TBX15: variants seen among roughly 807,000 people sequenced by gnomAD.
TBX15 encodes T-box transcription factor 15, also known as T-box transcription factor TBX15.
A neutral mutation model predicts 53.9 loss-of-function variants in TBX15; 18 were observed. The observed-to-expected ratio is 0.33, with a 90% CI of 0.23 to 0.49. The LOEUF is 0.49. Among genes scored for constraint, TBX15 ranks in the 20% least tolerant of loss-of-function variants. The probability of loss-of-function intolerance (pLI) is 0.98; values close to 1 mark genes in which losing one functional copy is unlikely to be tolerated. For synonymous variants in TBX15, 295 were observed against 278.0 expected (o/e 1.06, Z -0.61); for missense variants, 692 against 749.5 (o/e 0.92, Z 0.90).
chr1:118,889,218 C>T (rs1046121167), intron 7 of TBX15, among the ~76,000 whole-genome samples: 1 of 152,134 alleles, frequency 6.6e-6, no homozygotes, highest in Non-Finnish European at 1.5e-5. Context: ...TCAAAGTTCC[C>T]ATAGAAAGAG....
chr1:118,941,817 T>C (rs1449773980), intron 1 of TBX15, among the ~76,000 whole-genome samples: 1 of 152,094 alleles, frequency 6.6e-6, no homozygotes, highest in African/African-American at 2.4e-5. Context: ...TGCTGGGGCT[T>C]AGGATCCAAA....
chr1:118,942,343 C>G (rs1157295654), intron 1 of TBX15, among the ~76,000 whole-genome samples: 1 of 152,160 alleles, frequency 6.6e-6, no homozygotes, highest in Non-Finnish European at 1.5e-5. Flanking sequence ...ACCTATTATG[C>G]ACTCAATAAA....
In TBX15 at chr1:118,885,328, T is replaced by G. The variant is rs11550350; in HGVS notation, c.1213A>C (p.Ser405Arg). ...NLSDYPPCAR[S>R]NMAALQSYPG... is the part of the protein sequence containing the mutation. ...TAGCTCTGCAAGGCAGCCATGTTGC[T>G]TCGGGCACATGGTGGATAATCAGAG... The change falls in exon 8 of 8, where the codon AGC (serine) becomes CGC (arginine). Residue 405 changes from serine (S) to arginine (R), a missense_variant. Physicochemically the swap from Ser to Arg is moderately radical, Grantham distance 110. Coordinates refer to ENST00000369429, the MANE Select transcript of TBX15 (RefSeq NM_001330677.2). 2 of 1,613,964 alleles carry G rather than the reference T, an allele frequency of 1.2e-6. No homozygotes were observed. The highest frequency in any genetic ancestry group is 4.5e-5 in the East Asian group (2 of 44,866).
At chr1:118,951,650 T>C (rs4659133) in intron 1 of TBX15, among the ~76,000 whole-genome samples, 43,047 of 152,100 alleles carry the variant, frequency 0.28, 7,455 homozygotes, top group East Asian at 0.57. Flanking sequence ...TGCAACATCT[T>C]ATTGTTCCTG....
chr1:118,987,649 G>A lies in TBX15; in HGVS notation c.147C>T (p.Pro49=), dbSNP rs1657885970. ...GLDLSMEALS[P]AGPLGDTEDA... ...CCTCCGTGTCTCCGAGTGGGCCCGC[G>A]GGGCTCAGCGCCTCCATAGACAGGT... Residue 49 remains proline, a synonymous_variant, in exon 1 of 8, where the codon CCC becomes CCT. Transcript: ENST00000369429. 3 of 1,550,130 alleles carry A rather than the reference G, an allele frequency of 1.9e-6. No individual in the cohort carries two copies. The East Asian group carries it at 7.3e-5, about 38-fold the overall frequency.
chr1:118,911,543 C>A (rs1022999974), intron 6 of TBX15, among the ~76,000 whole-genome samples: 1 of 152,176 alleles, frequency 6.6e-6, no homozygotes, highest in African/African-American at 2.4e-5. Context: ...ACTGAGATGT[C>A]ATCACAATTC....
chr1:118,950,168 T>C (rs1656470645), intron 1 of TBX15, among the ~76,000 whole-genome samples: 2 of 152,212 alleles, frequency 1.3e-5, no homozygotes. Flanking sequence ...TGTAAAAGAC[T>C]GCTCTTCAGT....
chr1:118,928,918 C>T (rs1245754831), intron 2 of TBX15, among the ~76,000 whole-genome samples: 9 of 152,180 alleles, frequency 5.9e-5, no homozygotes, highest in African/African-American at 1.9e-4. Context: ...ACAGTGCCCC[C>T]TTGCTTTAAA....
intron 1 of TBX15, among the ~76,000 whole-genome samples, chr1:118,975,207 G>A (rs1317797777): frequency 6.6e-6 from 1 of 152,126 alleles, no homozygotes; most frequent in Non-Finnish European, 1.5e-5. Flanking sequence ...TCAAAGAAAC[G>A]CAGGTCATGT....
intron 1 of TBX15, among the ~76,000 whole-genome samples, chr1:118,944,143 C>T (rs1656271588): frequency 6.6e-6 from 1 of 152,192 alleles, no homozygotes. Context: ...ACCCTCACAT[C>T]CCAACTTCCC....
At chr1:118,924,852 C>T in intron 3 of TBX15, 35 bp from the exon 4 acceptor site, 2 of 1,613,038 alleles carry the variant, frequency 1.2e-6, no homozygotes, top group Non-Finnish European at 1.7e-6. Context: ...AATTCAGAGA[C>T]AGAGGCAGAG....
chr1:118,977,154 TGAAGTCTGACCCCA>T (rs1657461182), intron 1 of TBX15, among the ~76,000 whole-genome samples: 1 of 152,206 alleles, frequency 6.6e-6, no homozygotes, highest in Non-Finnish European at 1.5e-5. Flanking sequence ...CTCAGACACA[TGAAGTCTGACCCCA>T]AGAATCTGAG....
chr1:118,955,303 G>T (rs1656648047), intron 1 of TBX15, among the ~76,000 whole-genome samples: 1 of 152,074 alleles, frequency 6.6e-6, no homozygotes, highest in Non-Finnish European at 1.5e-5. Context: ...TAGTGATTTT[G>T]CTCATACAAG....
intron 2 of TBX15, among the ~76,000 whole-genome samples, chr1:118,927,715 G>A (rs1655645701): frequency 6.6e-6 from 1 of 152,202 alleles, no homozygotes; most frequent in Admixed American, 6.5e-5. Flanking sequence ...TCTCATAATT[G>A]AAGAGAGGAG....
chr1:118,911,039 G>A (rs979421282), intron 6 of TBX15, among the ~76,000 whole-genome samples: 2 of 152,186 alleles, frequency 1.3e-5, no homozygotes, highest in African/African-American at 4.8e-5. Flanking sequence ...TTAGAATTCT[G>A]TTCTCAATAT....
intron 1 of TBX15, among the ~76,000 whole-genome samples, chr1:118,939,437 C>CAAAAAAAAAAAAAAAAAAAAAAAAAAA (rs869077887): frequency 1.2e-5 from 1 of 84,680 alleles, no homozygotes; most frequent in Non-Finnish European, 2.2e-5. Flanking sequence ...AAAAAAAAAA[C>CAAAAAAAAAAAAAAAAAAAAAAAAAAA]AAAAACAGGA....
intron 5 of TBX15, among the ~76,000 whole-genome samples, chr1:118,919,424 TAGAG>T (rs1450870764): frequency 6.6e-6 from 1 of 152,146 alleles, no homozygotes; most frequent in African/African-American, 2.4e-5. Flanking sequence ...AGTTGGCACA[TAGAG>T]AGCCAATAAT....
At chr1:118,935,859 G>T (rs1001740769) in intron 1 of TBX15, among the ~76,000 whole-genome samples, 1 of 152,108 alleles carries the variant, frequency 6.6e-6, no homozygotes, top group Non-Finnish European at 1.5e-5. Flanking sequence ...CCATTGATAA[G>T]ATAGACATAG....
rs534135435 is a variant in TBX15 at position 118,980,829 on chromosome 1, C to CT, written c.205+6761dup. Among the ~76,000 whole-genome samples the CT allele has an allele frequency of 3.0e-3, 444 of 149,254 alleles. 2 individuals are homozygous for CT. The highest frequency in any genetic ancestry group is 8.2e-3 in the African/African-American group (333 of 40,738). On this transcript the variant is annotated intron_variant, in intron 1 of 7. Transcript: ENST00000369429. ...TCAATTTCTGGTATTTTGACTGGTG[C>CT]TTTTTTTTTTCCTTCTTTTTTGAGA...
Sources: gnomAD v4.1 joint callset for allele counts (sites outside exome capture counted in the v4.1 genomes callset) on GRCh38, gnomAD v4.1.1 for gene constraint, MANE v1.5 for transcripts, NCBI Gene and HGNC (gene_info 2026-07-23, HGNC 2026-07-21) for gene names.